Variants in NIBAN1 observed in about 807,000 individuals in gnomAD.
NIBAN1 encodes the protein protein Niban 1.
Under a neutral mutation model 75.1 loss-of-function variants are expected in NIBAN1, and 81 were observed. The ratio of observed to expected loss-of-function variants is 1.08; its 90% CI spans 0.90 to 1.30. The LOEUF is 1.30. Ranked by LOEUF, NIBAN1 falls within the 50% of genes most tolerant of loss-of-function variation. The pLI is 0.00. For missense variants in NIBAN1, 1,133 were observed against 1,128.1 expected (o/e 1.00, Z -0.06); for synonymous variants, 436 against 424.8 (o/e 1.03, Z -0.32).
intron 1 of NIBAN1, among the ~76,000 whole-genome samples, chr1:184,920,872 G>A (rs1384117581): frequency 3.9e-5 from 6 of 152,110 alleles, no homozygotes; most frequent in African/African-American, 1.2e-4. Flanking sequence ...GGTGGCTCAC[G>A]CCTGTAATCC....
chr1:184,839,474 C>T (rs987089254), intron 5 of NIBAN1, among the ~76,000 whole-genome samples: 1 of 152,022 alleles, frequency 6.6e-6, no homozygotes, highest in East Asian at 1.9e-4. Flanking sequence ...GTACGATATA[C>T]CACAACCATG....
At chr1:184,830,957 G>A (rs939409954) in intron 6 of NIBAN1, among the ~76,000 whole-genome samples, 14 of 149,116 alleles carry the variant, frequency 9.4e-5, no homozygotes, top group South Asian at 2.1e-4. Context: ...CTGAGATTGC[G>A]CCACTGTACT....
intron 6 of NIBAN1, among the ~76,000 whole-genome samples, chr1:184,830,768 G>A (rs189955966): frequency 1.8e-3 from 267 of 152,194 alleles, no homozygotes; most frequent in African/African-American, 6.0e-3. Flanking sequence ...TTGGGAGCCC[G>A]AGGCAGGGGG....
chr1:184,865,851 A>G (rs1262802405), intron 5 of NIBAN1, among the ~76,000 whole-genome samples: 3 of 152,224 alleles, frequency 2.0e-5, no homozygotes, highest in Non-Finnish European at 4.4e-5. Context: ...AAAAAGTTGT[A>G]AAGCTGATGG....
At chr1:184,929,007 G>T (rs1657754009) in intron 1 of NIBAN1, among the ~76,000 whole-genome samples, 1 of 151,962 alleles carries the variant, frequency 6.6e-6, no homozygotes. Context: ...ATGTAAGTGG[G>T]GAAATAACCC....
chr1:184,797,943 C>T, intron 13 of NIBAN1, 136 bp downstream of exon 13: 1 of 483,036 alleles, frequency 2.1e-6, no homozygotes, highest in Non-Finnish European at 3.7e-6. Flanking sequence ...CCTTCCCTCT[C>T]CTCACTGTCT....
At chr1:184,853,854 CT>C (rs1221653992) in intron 5 of NIBAN1, among the ~76,000 whole-genome samples, 1 of 152,154 alleles carries the variant, frequency 6.6e-6, no homozygotes, top group African/African-American at 2.4e-5. Context: ...AATGGGAAGT[CT>C]CTTTGCTTTC....
chr1:184,874,492 T>C (rs1173221193), intron 5 of NIBAN1, among the ~76,000 whole-genome samples: 2 of 152,018 alleles, frequency 1.3e-5, no homozygotes, highest in African/African-American at 4.8e-5. Flanking sequence ...AGCAATAAAA[T>C]GTGCCATTTC....
chr1:184,824,409 T>C (rs1292254843), intron 6 of NIBAN1, among the ~76,000 whole-genome samples: 1 of 152,036 alleles, frequency 6.6e-6, no homozygotes, highest in African/African-American at 2.4e-5. Context: ...TACAGCCACA[T>C]TGAAGGATAA....
At chr1:184,798,226 G>A in intron 12 of NIBAN1, 36 bp from the exon 13 acceptor site, 1 of 1,334,032 alleles carries the variant, frequency 7.5e-7, no homozygotes, top group Middle Eastern at 1.9e-4. Flanking sequence ...AAGATGAAAA[G>A]GCATGAGATG....
intron 9 of NIBAN1, among the ~76,000 whole-genome samples, chr1:184,813,798 C>G (rs865934681): frequency 6.6e-5 from 10 of 152,218 alleles, no homozygotes; most frequent in African/African-American, 2.2e-4. Flanking sequence ...GGCTTTACAG[C>G]TAGCTAAGGC....
intron 1 of NIBAN1, among the ~76,000 whole-genome samples, chr1:184,934,665 G>T (rs1432603982): frequency 6.6e-6 from 1 of 152,202 alleles, no homozygotes; most frequent in Non-Finnish European, 1.5e-5. Flanking sequence ...GGGAGGCTGA[G>T]GCGGGTGGAT....
Position 184,842,623 on chromosome 1 carries a change from G to A in NIBAN1, c.602-10661C>T, listed in dbSNP as rs183561356. On this transcript the variant is annotated intron_variant, in intron 5 of 13. Coordinates refer to ENST00000367511, the MANE Select transcript of NIBAN1 (RefSeq NM_052966.4). The stretch of plus-strand genomic sequence containing the variant: ...GAAAAATTAGCCGGGCGTGGTGGCG[G>A]GCGCCTGTAATCCTAGCTACTCTAG... 9.9e-5 allele frequency among the ~76,000 whole-genome samples: 15 copies of A among 152,206 alleles called. No individual in the cohort carries two copies. The East Asian group carries it at 2.9e-3, about 29-fold the overall frequency.
chr1:184,930,385 G>A (rs1379218730), intron 1 of NIBAN1, among the ~76,000 whole-genome samples: 1 of 152,202 alleles, frequency 6.6e-6, no homozygotes, highest in Non-Finnish European at 1.5e-5. Flanking sequence ...TCATCTGGAA[G>A]AGGAGGAGAC....
chr1:184,890,065 A>C, intron 4 of NIBAN1, 43 bp downstream of exon 4: 2 of 1,420,994 alleles, frequency 1.4e-6, no homozygotes, highest in Non-Finnish European at 2.0e-6. Flanking sequence ...TAAACAAAGA[A>C]GCTTAGTCAT....
At chr1:184,890,069 T>C in intron 4 of NIBAN1, 39 bp downstream of exon 4, 10 of 1,442,710 alleles carry the variant, frequency 6.9e-6, no homozygotes, top group Non-Finnish European at 9.8e-6. Context: ...CAAAGAAGCT[T>C]AGTCATTTTG....
chr1:184,892,901 A>G (rs543909957), intron 3 of NIBAN1, among the ~76,000 whole-genome samples: 1 of 152,184 alleles, frequency 6.6e-6, no homozygotes, highest in East Asian at 1.9e-4. Flanking sequence ...CCTCTTGAGT[A>G]TCTGAGACTA....
At chr1:184,919,948 G>C (rs1048789524) in intron 1 of NIBAN1, among the ~76,000 whole-genome samples, 7 of 151,794 alleles carry the variant, frequency 4.6e-5, no homozygotes, top group Non-Finnish European at 7.4e-5. Context: ...GGGATGAAAA[G>C]TCTTGTTGCA....
At chr1:184,847,039 GA>G (rs1655456743) in intron 5 of NIBAN1, among the ~76,000 whole-genome samples, 1 of 84,734 alleles carries the variant, frequency 1.2e-5, no homozygotes. Context: ...AACCAAGTTG[GA>G]AAACATTCTG....
Sources: allele counts gnomAD v4.1 joint callset (sites outside exome capture counted in the v4.1 genomes callset), GRCh38; gene constraint gnomAD v4.1.1; transcripts MANE v1.5; gene names NCBI Gene and HGNC (gene_info 2026-07-23, HGNC 2026-07-21).